The following MBP variants were observed in gnomAD, a reference collection of about 807,000 sequenced individuals.
MBP encodes myelin basic protein.
In MBP, 16 loss-of-function variants were observed where a neutral mutation model predicts 35.8. That is an observed-to-expected ratio of 0.45 (90% CI 0.30 to 0.68). The LOEUF is 0.68. Ranked by LOEUF, MBP falls within the 30% of genes least tolerant of loss-of-function variation. The pLI is 0.08. For missense variants in MBP, 380 were observed against 404.7 expected (o/e 0.94, Z 0.52); for synonymous variants, 143 against 159.6 (o/e 0.90, Z 0.78).
chr18:77,087,087 A>C (rs377301018), intron 2 of MBP, among the ~76,000 whole-genome samples: 78 of 152,294 alleles, frequency 5.1e-4, no homozygotes, highest in East Asian at 1.3e-3. Context: ...TAGAAAAAAA[A>C]AACAACAACA....
At chr18:77,037,125 T>G (rs1972806727) in intron 3 of MBP, among the ~76,000 whole-genome samples, 2 of 147,012 alleles carry the variant, frequency 1.4e-5, no homozygotes, top group African/African-American at 5.1e-5. Flanking sequence ...GGTCACATTT[T>G]GGAGACAGAG....
chr18:77,106,050 G>C (rs1261783223), intron 1 of MBP, among the ~76,000 whole-genome samples: 1 of 152,188 alleles, frequency 6.6e-6, no homozygotes, highest in Non-Finnish European at 1.5e-5. Flanking sequence ...GGAACCATCA[G>C]CCCAGACCAC....
intron 3 of MBP, among the ~76,000 whole-genome samples, chr18:77,047,481 G>A (rs1055493587): frequency 1.3e-5 from 2 of 152,200 alleles, no homozygotes; most frequent in Admixed American, 1.3e-4. Context: ...GAGACGTGTC[G>A]GGGAAGAGAA....
chr18:77,062,137 C>T (rs370883687), intron 3 of MBP, among the ~76,000 whole-genome samples: 153 of 152,300 alleles, frequency 1.0e-3, no homozygotes, highest in African/African-American at 3.3e-3. Flanking sequence ...AGTCAGTCAC[C>T]GGGGCAGTAG....
chr18:77,059,767 G>A (rs373364537), intron 3 of MBP, among the ~76,000 whole-genome samples: 1 of 152,176 alleles, frequency 6.6e-6, no homozygotes, highest in South Asian at 2.1e-4. Flanking sequence ...ACAGATAAGA[G>A]ATGCACCGCC....
At chr18:77,013,898 C>T (rs3752069) in intron 4 of MBP, 80,819 of 985,284 alleles carry the variant, frequency 0.082, 3,778 homozygotes, top group East Asian at 0.28. Context: ...TGTTTCCAGG[C>T]TCTGCCTCGT....
chr18:77,045,915 G>A (rs373266512), intron 3 of MBP, among the ~76,000 whole-genome samples: 5 of 152,284 alleles, frequency 3.3e-5, no homozygotes, highest in African/African-American at 1.2e-4. Flanking sequence ...TGAGTATTGG[G>A]CACTAATGCA....
chr18:77,115,181 A>G (rs1976617042), intron 1 of MBP: 1 of 152,230 alleles, frequency 6.6e-6, no homozygotes, highest in South Asian at 2.1e-4. Context: ...CCACAGGGTC[A>G]ACATGACCCC....
chr18:77,051,055 T>G (rs972465074), intron 3 of MBP, among the ~76,000 whole-genome samples: 1 of 152,140 alleles, frequency 6.6e-6, no homozygotes, highest in Non-Finnish European at 1.5e-5. Context: ...AAAGTAATTT[T>G]AATAAAAATA....
intron 1 of MBP, chr18:77,108,809 T>C (rs1366941412): frequency 6.6e-6 from 1 of 152,260 alleles, no homozygotes; most frequent in African/African-American, 2.4e-5. Flanking sequence ...AGCTCCCAGC[T>C]GAAATGCTGG....
At chr18:77,048,620 C>A (rs944864017) in intron 3 of MBP, among the ~76,000 whole-genome samples, 1 of 152,114 alleles carries the variant, frequency 6.6e-6, no homozygotes, top group Non-Finnish European at 1.5e-5. Flanking sequence ...CCCGCCACCA[C>A]GGCCGGCTAA....
At chr18:77,037,750 G>T (rs1972834932) in intron 3 of MBP, among the ~76,000 whole-genome samples, 1 of 152,218 alleles carries the variant, frequency 6.6e-6, no homozygotes, top group African/African-American at 2.4e-5. Flanking sequence ...GCTCTGTGCA[G>T]CCGAGGCGCC....
chr18:77,013,750 A>C, intron 4 of MBP: 4 of 985,460 alleles, frequency 4.1e-6, no homozygotes, highest in Non-Finnish European at 4.8e-6. Flanking sequence ...CACGGCACGG[A>C]GAAGTGGGGT....
In MBP at chr18:76,979,759, C is replaced by A; in HGVS notation, c.*668G>T. 3.4e-6 allele frequency: 2 copies of A among 584,656 alleles called. No individual in the cohort carries two copies. Among genetic ancestry groups the A allele is most frequent in the Admixed American group, 6.1e-5 (2 of 32,702 alleles). The allele number at this position is 584,656 out of a possible 1,614,324, so 36.2% of individuals were successfully genotyped here. On this transcript the variant is annotated 3_prime_UTR_variant, in exon 9 of 9. Transcript: ENST00000355994. ...GCCTCCTTTTCCTCCCTCTGCCACACGCGAATTCAGCTAATTGGGGTGTGT... is the reference window on the plus strand; with the variant it reads ...GCCTCCTTTTCCTCCCTCTGCCACAAGCGAATTCAGCTAATTGGGGTGTGT...
rs56190718 is a variant in MBP at position 77,131,121 on chromosome 18, C to A, written c.-26+1459G>T. On this transcript the variant is annotated intron_variant, in intron 1 of 8. Transcript: ENST00000355994. This position sits in a 1 kb window ranked among gnomAD's most constrained non-coding sequence, Gnocchi z 5.5. The stretch of plus-strand genomic sequence containing the variant: ...CACACACACACACACACACACACAC[C>A]CCCTCTGCCGCGGTACCCTTCCCCT... Among the ~76,000 whole-genome samples the A allele has an allele frequency of 0.31, 19,584 of 63,994 alleles. 1,574 individuals carry two copies. The highest frequency in any genetic ancestry group is 0.37 in the East Asian group (1,053 of 2,846). The allele number at this position is 63,994 out of a possible 152,430, so 42.0% of individuals were successfully genotyped here. A position where few individuals can be genotyped will look rare whatever the true frequency, so the allele number is the denominator to read the frequency against.
chr18:77,014,763 T>C, intron 4 of MBP: 1 of 985,382 alleles, frequency 1.0e-6, no homozygotes, highest in Non-Finnish European at 1.2e-6. Context: ...TCCCCCGGGA[T>C]GCCTCACAGC....
chr18:77,028,742 C>CG (rs1164641063), intron 3 of MBP, among the ~76,000 whole-genome samples: 1 of 94,716 alleles, frequency 1.1e-5, no homozygotes, highest in Non-Finnish European at 2.7e-5. Flanking sequence ...GCTGGCCAGG[C>CG]GGGGGGCTGA....
intron 4 of MBP, chr18:77,014,869 C>T: frequency 1.0e-6 from 1 of 985,122 alleles, no homozygotes; most frequent in Non-Finnish European, 1.2e-6. Context: ...CTATATTCAA[C>T]ACTCCATAGT....
upstream of MBP, chr18:77,133,476 T>C (rs1252093167): frequency 6.6e-6 from 1 of 152,276 alleles, no homozygotes; most frequent in African/African-American, 2.4e-5. Context: ...CGTCGCTGTC[T>C]TGTTAAAAAG....
Sources: allele counts gnomAD v4.1 joint callset (sites outside exome capture counted in the v4.1 genomes callset), GRCh38; gene constraint gnomAD v4.1.1; non-coding constraint Gnocchi (gnomAD v3.1); transcripts MANE v1.5; gene names NCBI Gene and HGNC (gene_info 2026-07-23, HGNC 2026-07-21).